Variants in TRIQK observed in about 807,000 individuals in gnomAD.
The protein encoded by TRIQK is triple QxxK/R motif containing.
In TRIQK, 10 loss-of-function variants were observed where a neutral mutation model predicts 10.8. The ratio of observed to expected loss-of-function variants is 0.92; its 90% CI spans 0.57 to 1.57. The LOEUF (loss-of-function observed/expected upper bound fraction) is 1.57. Ranked by LOEUF, TRIQK falls within the 40% of genes most tolerant of loss-of-function variation. TRIQK has a pLI of 0.00. For synonymous variants in TRIQK, 33 were observed against 33.7 expected, an observed-to-expected ratio of 0.98 and a Z score of 0.07; for missense variants, 107 against 97.7, an observed-to-expected ratio of 1.09 and a Z score of -0.40.
At chr8:93,011,195 CACACACACACAT>C (rs933756865) in intron 1 of TRIQK, among the ~76,000 whole-genome samples, 11 of 121,960 alleles carry the variant, frequency 9.0e-5, no homozygotes, top group South Asian at 5.6e-4. Context: ...CACACACACA[CACACACACACAT>C]ATATATATAT....
chr8:93,009,889 A>T (rs1242881873), intron 1 of TRIQK, among the ~76,000 whole-genome samples: 1 of 152,150 alleles, frequency 6.6e-6, no homozygotes, highest in Non-Finnish European at 1.5e-5. Flanking sequence ...TAAGTGTCCA[A>T]CACTTAGGTT....
At chr8:92,900,790 T>G (rs1397917376) in intron 3 of TRIQK, among the ~76,000 whole-genome samples, 3 of 152,124 alleles carry the variant, frequency 2.0e-5, no homozygotes, top group African/African-American at 7.2e-5. Context: ...TTCATTGGTA[T>G]TTTGATAGAG....
intron 3 of TRIQK, among the ~76,000 whole-genome samples, chr8:92,899,076 C>T (rs1808782639): frequency 6.7e-6 from 1 of 150,012 alleles, no homozygotes; most frequent in Non-Finnish European, 1.5e-5. Context: ...ATTGTAACCT[C>T]TGACTCCTCT....
At chr8:92,985,016 C>G (rs529406392) in intron 1 of TRIQK, among the ~76,000 whole-genome samples, 74 of 152,148 alleles carry the variant, frequency 4.9e-4, no homozygotes, top group African/African-American at 1.7e-3. Context: ...TTATCTTAGC[C>G]TTTGATGTTT....
chr8:92,932,347 C>T (rs1251991857), intron 2 of TRIQK, among the ~76,000 whole-genome samples: 2 of 152,028 alleles, frequency 1.3e-5, no homozygotes, highest in East Asian at 1.9e-4. Flanking sequence ...TCTTATTTTT[C>T]CTTTAACTAG....
upstream of TRIQK, among the ~76,000 whole-genome samples, chr8:92,969,311 T>G (rs1308962661): frequency 6.6e-6 from 1 of 152,216 alleles, no homozygotes; most frequent in Non-Finnish European, 1.5e-5. Context: ...TATGTTTCTG[T>G]GTTTCCAAGT....
At chr8:93,004,658 T>C (rs1586529243) in intron 1 of TRIQK, among the ~76,000 whole-genome samples, 1 of 152,226 alleles carries the variant, frequency 6.6e-6, no homozygotes. Flanking sequence ...TTTCAGGTCA[T>C]GCAAATGAGT....
chr8:92,887,526 T>C (rs1816549935), intron 4 of TRIQK, among the ~76,000 whole-genome samples: 1 of 151,388 alleles, frequency 6.6e-6, no homozygotes, highest in African/African-American at 2.4e-5. Context: ...GTGTATACCT[T>C]CCAGAACTTT....
intron 2 of TRIQK, among the ~76,000 whole-genome samples, chr8:92,918,969 T>G (rs572916651): frequency 2.0e-5 from 3 of 152,098 alleles, no homozygotes; most frequent in Admixed American, 2.0e-4. Flanking sequence ...GACCATTTAT[T>G]AAAGAGACAA....
intron 1 of TRIQK, among the ~76,000 whole-genome samples, chr8:92,996,324 A>AT (rs1813153548): frequency 6.6e-6 from 1 of 152,000 alleles, no homozygotes; most frequent in African/African-American, 2.4e-5. Context: ...CAATGTTCTC[A>AT]TGGCATTTTA....
intron 2 of TRIQK, among the ~76,000 whole-genome samples, chr8:92,919,567 A>G (rs999343495): frequency 6.6e-6 from 1 of 151,832 alleles, no homozygotes; most frequent in South Asian, 2.1e-4. Flanking sequence ...TTTTACATCT[A>G]TGTTCATCAG....
chr8:93,015,641 A>T (rs1813378317), intron 1 of TRIQK, among the ~76,000 whole-genome samples: 1 of 152,082 alleles, frequency 6.6e-6, no homozygotes, highest in Non-Finnish European at 1.5e-5. Context: ...GCATGCTCTC[A>T]TTCTGTGCAA....
rs71565204 is a variant in TRIQK, at chr8:93,003,309, GGAGAGAGA to G, written c.-181+14292_-181+14299del. Among the ~76,000 whole-genome samples, 127 of 135,686 alleles carry G rather than the reference GGAGAGAGA, an allele frequency of 9.4e-4. 1 individual carries two copies. Among genetic ancestry groups the G allele is most frequent in the African/African-American group, 3.4e-3 (114 of 33,422 alleles). The allele number at this position is 135,686 out of a possible 152,430, so 89.0% of individuals were successfully genotyped here. ...GAAGCAAGCATGTTTCCCGCTTACA[GGAGAGAGA>G]GAGAGAGAGAGAGAGAGAGAGAGCA... On this transcript the variant is annotated intron_variant, in intron 1 of 4. Transcript: ENST00000520686.
At chr8:92,937,372 A>G (rs925472772) in intron 2 of TRIQK, among the ~76,000 whole-genome samples, 4 of 151,798 alleles carry the variant, frequency 2.6e-5, no homozygotes, top group African/African-American at 9.7e-5. Flanking sequence ...GAGGAAGTAC[A>G]ATTAAGATCG....
At chr8:92,989,694 A>G (rs1362949249) in intron 1 of TRIQK, among the ~76,000 whole-genome samples, 1 of 152,224 alleles carries the variant, frequency 6.6e-6, no homozygotes, top group Non-Finnish European at 1.5e-5. Flanking sequence ...TAATAATAAT[A>G]GAAATAAAGT....
At chr8:93,004,958 C>A (rs1373254304) in intron 1 of TRIQK, among the ~76,000 whole-genome samples, 2 of 152,240 alleles carry the variant, frequency 1.3e-5, no homozygotes, top group East Asian at 3.9e-4. Context: ...AAGTTCCAGA[C>A]TTTCCCTCAT....
intron 1 of TRIQK, among the ~76,000 whole-genome samples, chr8:92,983,483 A>G (rs1813005123): frequency 6.6e-6 from 1 of 152,086 alleles, no homozygotes. Context: ...TAGAGGTTTC[A>G]TTATTCCTAG....
At chr8:92,962,040 G>A (rs896372399) in intron 1 of TRIQK, among the ~76,000 whole-genome samples, 11 of 151,974 alleles carry the variant, frequency 7.2e-5, no homozygotes, top group African/African-American at 2.7e-4. Context: ...TATTTTTCAT[G>A]GAAACATACA....
intron 2 of TRIQK, chr8:92,928,165 G>C (rs1810538580): frequency 6.6e-6 from 1 of 152,264 alleles, no homozygotes; most frequent in Non-Finnish European, 1.5e-5. Flanking sequence ...TAAGTGTTTA[G>C]TGGAGGACCT....
Sources: allele counts gnomAD v4.1 joint callset (sites outside exome capture counted in the v4.1 genomes callset), GRCh38; gene constraint gnomAD v4.1.1; transcripts MANE v1.5; gene names NCBI Gene and HGNC (gene_info 2026-07-23, HGNC 2026-07-21).